Variants in SOD2 observed in about 807,000 individuals in gnomAD.
The protein encoded by SOD2 is superoxide dismutase [Mn], mitochondrial.
In SOD2, 11 loss-of-function variants were observed where a neutral mutation model predicts 27.0. That is an observed-to-expected ratio of 0.41 (90% confidence interval 0.26 to 0.67). The LOEUF (loss-of-function observed/expected upper bound fraction) is 0.67, where lower values mean the gene tolerates loss of function less well. SOD2 is among the 30% of genes least tolerant of loss of function. The pLI is 0.34. For synonymous variants in SOD2, 105 were observed against 103.0 expected (o/e 1.02, Z -0.12); for missense variants, 250 against 274.5 (o/e 0.91, Z 0.63).
chr6:159,740,690 TTTTTTTC>T (rs1779199366), intron 1 of SOD2, among the ~76,000 whole-genome samples: 1 of 151,662 alleles, frequency 6.6e-6, no homozygotes, highest in Non-Finnish European at 1.5e-5. Flanking sequence ...GAAGGTTTTT[TTTTTTTC>T]TTTTTTCTTT....
chr6:159,726,165 T>C (rs1171674010), intron 1 of SOD2: 2 of 152,542 alleles, frequency 1.3e-5, no homozygotes, highest in African/African-American at 4.8e-5. Context: ...GAACCATTTT[T>C]CCACTCCCAC....
At position 159,678,561 on chromosome 6, in the gene SOD2, C is replaced by T. The variant is rs1012605881; in HGVS notation, c.*3932G>A. 6.6e-6 allele frequency: 1 copy of T among 152,118 alleles called. No homozygotes were observed. Among genetic ancestry groups the T allele is most frequent in the Non-Finnish European group, 1.5e-5 (1 of 68,020 alleles). 9.4% of individuals were successfully genotyped at this position (152,118 alleles called of 1,614,324 possible). On this transcript the variant is annotated 3_prime_UTR_variant, in exon 5 of 5. Coordinates refer to ENST00000538183, the MANE Select transcript of SOD2 (RefSeq NM_000636.4). ...AAATAAATAAATGAAATATCCTTTA[C>T]AATAAATTAGTATTGTAACCAATAT...
chr6:159,753,729 A>T (rs1779902291), intron 1 of SOD2: 4 of 1,269,966 alleles, frequency 3.1e-6, no homozygotes, highest in Non-Finnish European at 3.2e-6. Context: ...CTGCCCTATG[A>T]TTGTATATTA....
In SOD2 at chr6:159,755,765, CTTTTTTTTTTTTTT is replaced by C; in HGVS notation, c.-336+5258_-336+5271del. 5.8e-3 allele frequency: 998 copies of C among 173,376 alleles called. 11 individuals carry two copies. Among genetic ancestry groups the C allele is most frequent in the Admixed American group, 0.022 (69 of 3,068 alleles). The allele number at this position is 173,376 out of a possible 1,614,324, so 10.7% of individuals were successfully genotyped here. A position where few individuals can be genotyped will look rare whatever the true frequency, so the allele number is the denominator to read the frequency against. ...TTTTTCTTTGTTTTTTTTTTCTTTT[CTTTTTTTTTTTTTT>C]TTTTTTTTTTTGCTTCAATACTTCT... On this transcript the variant is annotated intron_variant, in intron 1 of 7. Transcript: ENST00000546087.
intron 1 of SOD2, among the ~76,000 whole-genome samples, chr6:159,719,867 T>C (rs900796079): frequency 1.3e-5 from 2 of 149,946 alleles, no homozygotes; most frequent in African/African-American, 4.9e-5. Flanking sequence ...GGATTACAAA[T>C]GTGTGCCACC....
At position 159,750,348 on chromosome 6, in the gene SOD2, A is replaced by G. The variant is rs114072734; in HGVS notation, c.-335-1672T>C. ...CACTTAGATAACAGTCATGAGTTCT[A>G]TGGTTTTTTTCTTGTCATTGTTAAA... On this transcript the variant is annotated intron_variant, in intron 1 of 7. Transcript: ENST00000546087. Among the ~76,000 whole-genome samples the G allele has an allele frequency of 6.0e-3, 920 of 152,256 alleles. 4 individuals carry two copies. The highest frequency in any genetic ancestry group is 9.0e-3 in the Non-Finnish European group (610 of 68,016).
intron 1 of SOD2, chr6:159,727,098 G>A (rs935028945): frequency 3.3e-6 from 4 of 1,194,344 alleles, no homozygotes; most frequent in East Asian, 1.2e-4. Context: ...GACCTCGCTG[G>A]CCCGCCCCTC....
chr6:159,697,181 T>C (rs1051295584), upstream of SOD2, among the ~76,000 whole-genome samples: 1 of 152,158 alleles, frequency 6.6e-6, no homozygotes, highest in Non-Finnish European at 1.5e-5. Flanking sequence ...TATCCTCCTA[T>C]AAGGCATTAT....
upstream of SOD2, among the ~76,000 whole-genome samples, chr6:159,747,425 G>A (rs1365427281): frequency 1.3e-5 from 2 of 152,098 alleles, no homozygotes; most frequent in Non-Finnish European, 2.9e-5. Context: ...GTTTGGATTA[G>A]GTGAGTTACT....
chr6:159,758,824 A>G (rs1324616039), intron 1 of SOD2, among the ~76,000 whole-genome samples: 1 of 152,220 alleles, frequency 6.6e-6, no homozygotes, highest in East Asian at 1.9e-4. Flanking sequence ...AGCCTGTAGC[A>G]AAGACCTGGC....
chr6:159,726,881 G>GCGGCTCGCCGCCCA (rs1214106687), intron 1 of SOD2: 1 of 1,289,194 alleles, frequency 7.8e-7, no homozygotes, highest in Non-Finnish European at 1.0e-6. Flanking sequence ...GTAAACGCCC[G>GCGGCTCGCCGCCCA]CGGCTCGCCG....
chr6:159,692,299 C>T lies in SOD2; in HGVS notation c.226+362G>A, dbSNP rs5746100. The T allele has an allele frequency of 4.7e-4, 376 of 796,144 alleles. 3 individuals are homozygous for T. In the South Asian group the frequency reaches 7.5e-3, roughly 16 times the overall value. The allele number at this position is 796,144 out of a possible 1,614,324, so 49.3% of individuals were successfully genotyped here. On this transcript the variant is annotated intron_variant, in intron 2 of 4. Transcript: ENST00000538183. ...CATTTCCCCAAAGCACATTATACAA[C>T]AAGAACAATTTCAATTTGCAAAAAA...
upstream of SOD2, among the ~76,000 whole-genome samples, chr6:159,731,709 T>G (rs960483244): frequency 6.6e-6 from 1 of 152,176 alleles, no homozygotes; most frequent in Non-Finnish European, 1.5e-5. Context: ...TAAAGATTAA[T>G]GTCTGTCTTC....
At chr6:159,687,653 T>C (rs1239101774) in intron 3 of SOD2, among the ~76,000 whole-genome samples, 2 of 152,144 alleles carry the variant, frequency 1.3e-5, no homozygotes, top group Non-Finnish European at 2.9e-5. Flanking sequence ...CTTTTGAAAG[T>C]TACAACTTTT....
intron 1 of SOD2, among the ~76,000 whole-genome samples, chr6:159,707,545 C>G (rs1468120022): frequency 6.6e-6 from 1 of 152,162 alleles, no homozygotes; most frequent in African/African-American, 2.4e-5. Flanking sequence ...AGGACACATA[C>G]ACCCTCCCAA....
At chr6:159,721,675 C>CTT (rs55950207) in intron 1 of SOD2, among the ~76,000 whole-genome samples, 25 of 82,244 alleles carry the variant, frequency 3.0e-4, no homozygotes, top group Admixed American at 6.7e-4. Flanking sequence ...TGCGGCTGAC[C>CTT]TTTTTTTTTT....
intron 1 of SOD2, among the ~76,000 whole-genome samples, chr6:159,710,806 C>T (rs557830350): frequency 2.3e-4 from 34 of 151,074 alleles, no homozygotes; most frequent in African/African-American, 7.8e-4. Context: ...CCTCCATAAC[C>T]GCCTCCACAA....
chr6:159,683,777 A>C (rs561391692), intron 4 of SOD2, among the ~76,000 whole-genome samples: 12 of 152,154 alleles, frequency 7.9e-5, no homozygotes, highest in Non-Finnish European at 1.3e-4. Flanking sequence ...CGGTGCTTAC[A>C]AATTTTTTGT....
At chr6:159,753,542 C>T in intron 1 of SOD2, 7 of 1,614,154 alleles carry the variant, frequency 4.3e-6, no homozygotes, top group Middle Eastern at 1.6e-4. Flanking sequence ...GTCCCAGGGA[C>T]GTATTGCACA....
Sources: allele counts gnomAD v4.1 joint callset (sites outside exome capture counted in the v4.1 genomes callset), GRCh38; gene constraint gnomAD v4.1.1; transcripts MANE v1.5; gene names NCBI Gene and HGNC (gene_info 2026-07-23, HGNC 2026-07-21).